The following MAL2 variants were observed in gnomAD, a reference collection of about 807,000 sequenced individuals.
MAL2 encodes mal, T cell differentiation protein 2, also known as protein MAL2.
Under a neutral mutation model 18.1 loss-of-function variants are expected in MAL2, and 17 were observed. The ratio of observed to expected loss-of-function variants is 0.94; its 90% CI spans 0.64 to 1.41. The LOEUF is 1.41. Among genes scored for constraint, MAL2 ranks in the 40% most tolerant of loss-of-function variants. The probability of loss-of-function intolerance (pLI) is 0.00; values close to 1 mark genes in which losing one functional copy is unlikely to be tolerated. For missense variants in MAL2, 222 were observed against 231.9 expected (o/e 0.96, Z 0.28); for synonymous variants, 102 against 102.3 (o/e 1.00, Z 0.02).
At chr8:119,241,762 A>G (rs1264221353) in intron 3 of MAL2, among the ~76,000 whole-genome samples, 1 of 152,338 alleles carries the variant, frequency 6.6e-6, no homozygotes, top group Non-Finnish European at 1.5e-5. Flanking sequence ...AAAGGTTTAT[A>G]GTGTAGATTC....
intron 3 of MAL2, among the ~76,000 whole-genome samples, chr8:119,242,622 G>A (rs116022939): frequency 0.014 from 2,074 of 152,240 alleles, 47 homozygotes; most frequent in African/African-American, 0.048. Context: ...GAAGAAGGGT[G>A]GAAAGAAAAG....
At chr8:119,235,800 A>G (rs1173488202) in intron 2 of MAL2, among the ~76,000 whole-genome samples, 1 of 144,798 alleles carries the variant, frequency 6.9e-6, no homozygotes, top group Non-Finnish European at 1.5e-5. Context: ...GAAGCACTAA[A>G]CATGGAAAGG....
Position 119,244,827 on chromosome 8 carries a change from A to G in MAL2, c.*1339A>G, listed in dbSNP as rs1003272100. 2 of 152,602 alleles carry G rather than the reference A, an allele frequency of 1.3e-5. No individual in the cohort carries two copies. Among genetic ancestry groups the G allele is most frequent in the Non-Finnish European group, 2.9e-5 (2 of 68,034 alleles). The allele number at this position is 152,602 out of a possible 1,614,324, so 9.5% of individuals were successfully genotyped here. ...TAACCTACCTGTAGAGATCCTCGTC[A>G]TGGAAAGGTGCCAAACTGTTTTGAA... On this transcript the variant is annotated 3_prime_UTR_variant, in exon 4 of 4. Coordinates refer to ENST00000614891, the MANE Select transcript of MAL2 (RefSeq NM_052886.3).
chr8:119,208,618 C>G lies in MAL2; in HGVS notation c.132+14C>G. 7.6e-7 allele frequency: 1 copy of G among 1,308,114 alleles called. No homozygotes were observed. Among genetic ancestry groups the G allele is most frequent in the Non-Finnish European group, 9.7e-7 (1 of 1,026,518 alleles). 81.0% of individuals were successfully genotyped at this position (1,308,114 alleles called of 1,614,324 possible). A position where few individuals can be genotyped will look rare whatever the true frequency, so the allele number is the denominator to read the frequency against. On this transcript the variant is annotated intron_variant, in intron 1 of 3. Transcript: ENST00000614891. This position sits in a 1 kb window ranked among gnomAD's most constrained non-coding sequence, Gnocchi z 4.3. ...TGCCTGGAGATTGTAAGTGGGGCCG[C>G]CGGAGCGAGGGTCGCGCGGGGAGCG...
At chr8:119,236,637 C>T (rs1475586185) in intron 2 of MAL2, among the ~76,000 whole-genome samples, 34 of 151,776 alleles carry the variant, frequency 2.2e-4, no homozygotes, top group South Asian at 8.4e-4. Flanking sequence ...GATTAAGAAT[C>T]TCACTCAAAA....
At chr8:119,223,802 CTTT>C (rs373097239) in intron 2 of MAL2, 6 of 151,560 alleles carry the variant, frequency 4.0e-5, no homozygotes, top group African/African-American at 1.5e-4. Flanking sequence ...GTGTGTGGGT[CTTT>C]TTTTTATTAT....
At chr8:119,223,523 G>A (rs1013883082) in intron 2 of MAL2, 3 of 152,208 alleles carry the variant, frequency 2.0e-5, no homozygotes, top group African/African-American at 4.8e-5. Context: ...AATGTTAAGC[G>A]TTTCTGTTGT....
intron 1 of MAL2, among the ~76,000 whole-genome samples, chr8:119,211,696 A>ATT (rs370258084): frequency 0.22 from 29,272 of 135,452 alleles, 3,433 homozygotes; most frequent in South Asian, 0.34. Flanking sequence ...GTGCATAGTG[A>ATT]TTTTTTTTTT....
intron 2 of MAL2, among the ~76,000 whole-genome samples, chr8:119,239,410 C>G (rs1010679493): frequency 2.6e-5 from 4 of 151,822 alleles, no homozygotes; most frequent in African/African-American, 9.7e-5. Context: ...TTTGACCCAG[C>G]CATCCCATTA....
chr8:119,240,138 G>T (rs1195667105), intron 2 of MAL2, 27 bp from the exon 3 acceptor site: 11 of 1,590,010 alleles, frequency 6.9e-6, no homozygotes, highest in African/African-American at 2.7e-5. Flanking sequence ...TTTTTTAATT[G>T]CAGATGTCTT....
intron 3 of MAL2, among the ~76,000 whole-genome samples, chr8:119,242,602 A>C (rs1233217149): frequency 6.6e-6 from 1 of 152,204 alleles, no homozygotes; most frequent in African/African-American, 2.4e-5. Context: ...TATCAGAGAA[A>C]AAATCAGCAG....
chr8:119,213,741 C>G (rs1248964478), intron 1 of MAL2, among the ~76,000 whole-genome samples: 1 of 152,128 alleles, frequency 6.6e-6, no homozygotes, highest in African/African-American at 2.4e-5. Context: ...ATTGCTTGAA[C>G]CTGGGAGGCA....
At position 119,208,382 on chromosome 8, in the gene MAL2, C is replaced by A. The variant is rs1328142426; in HGVS notation, c.-91C>A. ...CGCGGCGCGCCCGGAGCCCGCGGAG[C>A]TGAGCGGCGGCGGCGGCGGCGGCAG... On this transcript the variant is annotated 5_prime_UTR_variant, in exon 1 of 4. It adds an upstream start codon to the 5' untranslated region. Coordinates refer to ENST00000614891, the MANE Select transcript of MAL2 (RefSeq NM_052886.3). The surrounding 1 kb of genome is among the most constrained non-coding windows in gnomAD (Gnocchi z 4.3). 4.3e-6 allele frequency: 3 copies of A among 694,038 alleles called. No homozygotes were observed. The highest frequency in any genetic ancestry group is 6.1e-5 in the South Asian group (1 of 16,264). 43.0% of individuals were successfully genotyped at this position (694,038 alleles called of 1,614,324 possible). A position where few individuals can be genotyped will look rare whatever the true frequency, so the allele number is the denominator to read the frequency against.
chr8:119,236,760 A>G (rs1421312310), intron 2 of MAL2, among the ~76,000 whole-genome samples: 2 of 150,908 alleles, frequency 1.3e-5, no homozygotes, highest in African/African-American at 2.5e-5. Flanking sequence ...CAAAGACACA[A>G]CATAGCAGAA....
At chr8:119,231,790 T>C (rs987566772) in intron 2 of MAL2, among the ~76,000 whole-genome samples, 1 of 152,172 alleles carries the variant, frequency 6.6e-6, no homozygotes, top group African/African-American at 2.4e-5. Flanking sequence ...TAGATGAACA[T>C]TGTGTTATGT....
rs1179319071 is a variant in MAL2 at position 119,245,299 on chromosome 8, T to C, written c.*1811T>C. On this transcript the variant is annotated 3_prime_UTR_variant, in exon 4 of 4. Transcript: ENST00000614891. ...CATATGGATATACAGTACATTCTAGTTGGAATCGTTTACTCTGCTAGAATT... is the reference window on the plus strand; with the variant it reads ...CATATGGATATACAGTACATTCTAGCTGGAATCGTTTACTCTGCTAGAATT... The C allele has an allele frequency of 3.3e-5, 5 of 152,596 alleles. No individual in the cohort carries two copies. Among genetic ancestry groups the C allele is most frequent in the African/African-American group, 9.7e-5 (4 of 41,446 alleles). The allele number at this position is 152,596 out of a possible 1,614,324, so 9.5% of individuals were successfully genotyped here.
intron 2 of MAL2, among the ~76,000 whole-genome samples, chr8:119,229,244 T>C (rs1817657900): frequency 6.6e-6 from 1 of 151,976 alleles, no homozygotes; most frequent in Non-Finnish European, 1.5e-5. Context: ...TTTTATCCCA[T>C]GGCCCTGACA....
In MAL2 at chr8:119,245,097, A is replaced by AAAAAT. The variant is rs1818125304; in HGVS notation, c.*1611_*1615dup. 6.6e-6 allele frequency: 1 copy of AAAAAT among 152,578 alleles called. No homozygotes were observed. 9.5% of individuals were successfully genotyped at this position (152,578 alleles called of 1,614,324 possible). On this transcript the variant is annotated 3_prime_UTR_variant, in exon 4 of 4. Transcript: ENST00000614891. Reference sequence around the variant, plus strand: ...ACCCTGTTAGATCTTGGTTTGTGATAAAAATATAAAGACAGAAGACATGAG... The same window carrying AAAAAT: ...ACCCTGTTAGATCTTGGTTTGTGATAAAAATAAAATATAAAGACAGAAGACATGAG...
chr8:119,234,171 C>T (rs1817812938), intron 2 of MAL2, among the ~76,000 whole-genome samples: 1 of 152,194 alleles, frequency 6.6e-6, no homozygotes, highest in Non-Finnish European at 1.5e-5. Flanking sequence ...CAGAGAGTTC[C>T]CTTTCCGAGT....
Sources: allele counts gnomAD v4.1 joint callset (sites outside exome capture counted in the v4.1 genomes callset), GRCh38; gene constraint gnomAD v4.1.1; non-coding constraint Gnocchi (gnomAD v3.1); transcripts MANE v1.5; gene names NCBI Gene and HGNC (gene_info 2026-07-23, HGNC 2026-07-21).